HIBCH: variants seen among roughly 807,000 people sequenced by gnomAD.
HIBCH encodes the protein 3-hydroxyisobutyryl-CoA hydrolase.
A neutral mutation model predicts 58.2 loss-of-function variants in HIBCH; 50 were observed. That is an observed-to-expected ratio of 0.86 (90% CI 0.68 to 1.09). The LOEUF is 1.09. Among genes scored for constraint, HIBCH ranks in the 50% least tolerant of loss-of-function variants. The pLI, the probability that HIBCH is intolerant of heterozygous loss-of-function variation, is 0.00. For synonymous variants in HIBCH, 151 were observed against 146.9 expected, an observed-to-expected ratio of 1.03 and a Z score of -0.20; for missense variants, 450 against 449.7, an observed-to-expected ratio of 1.00 and a Z score of -0.01.
In HIBCH at chr2:190,281,383, C is replaced by G. The variant is rs1687700552; in HGVS notation, c.438+6203G>C. Among the ~76,000 whole-genome samples the G allele has an allele frequency of 6.6e-6, 1 of 152,152 alleles. No homozygotes were observed. Among genetic ancestry groups the G allele is most frequent in the Non-Finnish European group, 1.5e-5 (1 of 68,040 alleles). ...GGCACTTGAGCCATAGCGGGGACAA[C>G]TGAGGAGCACTGTGCTGGAATTCTG... On this transcript the variant is annotated intron_variant, in intron 6 of 13. Transcript: ENST00000359678. This position sits in a 1 kb window ranked among gnomAD's most constrained non-coding sequence, Gnocchi z 5.4.
downstream of HIBCH, chr2:190,200,228 G>A: frequency 8.8e-7 from 1 of 1,140,908 alleles, no homozygotes; most frequent in East Asian, 2.4e-5. Context: ...GTGTGAAAAA[G>A]TACAAATAAC....
intron 9 of HIBCH, among the ~76,000 whole-genome samples, chr2:190,248,558 T>C (rs888092911): frequency 1.3e-5 from 2 of 152,134 alleles, no homozygotes; most frequent in African/African-American, 4.8e-5. Context: ...CTACTCTCAG[T>C]TGTACAAGAA....
chr2:190,215,827 T>C lies in HIBCH; in HGVS notation c.892-2752A>G, dbSNP rs1414555975. The C allele has an allele frequency of 6.6e-6, 1 of 152,288 alleles. No individual in the cohort carries two copies. The highest frequency in any genetic ancestry group is 2.4e-5 in the African/African-American group (1 of 41,374). The allele number at this position is 152,288 out of a possible 1,614,324, so 9.4% of individuals were successfully genotyped here. A position where few individuals can be genotyped will look rare whatever the true frequency, so the allele number is the denominator to read the frequency against. On this transcript the variant is annotated intron_variant, in intron 11 of 13. Coordinates refer to ENST00000359678, the MANE Select transcript of HIBCH (RefSeq NM_014362.4). The surrounding 1 kb of genome is among the most constrained non-coding windows in gnomAD (Gnocchi z 4.4). The stretch of plus-strand genomic sequence containing the variant: ...GCTGTGTGTGTGGGAGCCACTGGAC[T>C]AAGCAGCCAAGACAGGGAAGGCAGT...
intron 5 of HIBCH, 71 bp downstream of exon 5, chr2:190,290,331 ATTT>A: frequency 9.5e-7 from 1 of 1,049,388 alleles, no homozygotes; most frequent in Non-Finnish European, 1.5e-6. Flanking sequence ...TATTGATTGC[ATTT>A]TTAACAAAGT....
intron 4 of HIBCH, among the ~76,000 whole-genome samples, chr2:190,291,800 G>T (rs1214298652): frequency 6.6e-6 from 1 of 152,112 alleles, no homozygotes; most frequent in Non-Finnish European, 1.5e-5. Context: ...TCTCAAGACT[G>T]CTATCAAAGT....
At chr2:190,294,469 T>C (rs2105989898) in intron 4 of HIBCH, 77 bp downstream of exon 4, 1 of 962,564 alleles carries the variant, frequency 1.0e-6, no homozygotes, top group East Asian at 2.4e-5. Context: ...AATTATAAAT[T>C]ATTACAAAAA....
At chr2:190,246,008 A>G (rs1033572804) in intron 10 of HIBCH, 146 bp downstream of exon 10, 20 of 531,100 alleles carry the variant, frequency 3.8e-5, no homozygotes, top group African/African-American at 1.8e-4. Flanking sequence ...AAAAAAAAAA[A>G]GGAAGGAAAG....
chr2:190,231,338 G>C (rs1386653678), intron 11 of HIBCH, among the ~76,000 whole-genome samples: 2 of 152,216 alleles, frequency 1.3e-5, no homozygotes, highest in Non-Finnish European at 2.9e-5. Flanking sequence ...ACTGATAAAA[G>C]AGAAAAAGAT....
At chr2:190,262,821 TAAAGA>T (rs1156982896) in intron 6 of HIBCH, among the ~76,000 whole-genome samples, 50 of 152,278 alleles carry the variant, frequency 3.3e-4, no homozygotes, top group African/African-American at 9.9e-4. Flanking sequence ...AATAGTGAAT[TAAAGA>T]AAAGACATCA....
At chr2:190,294,493 G>T in intron 4 of HIBCH, 53 bp downstream of exon 4, 2 of 1,119,470 alleles carry the variant, frequency 1.8e-6, no homozygotes, top group Non-Finnish European at 2.7e-6. Flanking sequence ...GACAATACTT[G>T]ATCAGTTCTA....
intron 1 of HIBCH, among the ~76,000 whole-genome samples, chr2:190,314,335 A>ATGTG (rs1309322456): frequency 5.8e-5 from 6 of 104,248 alleles, no homozygotes; most frequent in South Asian, 3.4e-4. Context: ...ATATGTATAT[A>ATGTG]TACATATATA....
chr2:190,276,255 A>C (rs749825295), intron 6 of HIBCH, among the ~76,000 whole-genome samples: 5 of 152,210 alleles, frequency 3.3e-5, no homozygotes, highest in Non-Finnish European at 5.9e-5. Context: ...CCAAAGTTTC[A>C]TCAGAGACTC....
rs971423371 is a variant in HIBCH, at chr2:190,216,570, C to T, written c.892-3495G>A. 5.9e-5 allele frequency among the ~76,000 whole-genome samples: 9 copies of T among 152,274 alleles called. No homozygotes were observed. The highest frequency in any genetic ancestry group is 2.0e-4 in the Admixed American group (3 of 15,296). Reference sequence around the variant, plus strand: ...GGACTGTGGCTAACTGAAGAGGGCACACCCTGTTAAAGGGGCCACAGCTGC... The same window carrying T: ...GGACTGTGGCTAACTGAAGAGGGCATACCCTGTTAAAGGGGCCACAGCTGC... On this transcript the variant is annotated intron_variant, in intron 11 of 13. Coordinates refer to ENST00000359678, the MANE Select transcript of HIBCH (RefSeq NM_014362.4). This position sits in a 1 kb window ranked among gnomAD's most constrained non-coding sequence, Gnocchi z 4.2.
At chr2:190,202,221 T>C (rs568362646), downstream of HIBCH, 6 of 167,182 alleles carry the variant, frequency 3.6e-5, no homozygotes, top group African/African-American at 1.2e-4. Flanking sequence ...ACTATGGCAG[T>C]ATACTTTTAT....
intron 1 of HIBCH, among the ~76,000 whole-genome samples, chr2:190,195,845 T>C (rs6713652): frequency 0.063 from 9,522 of 152,168 alleles, 728 homozygotes; most frequent in African/African-American, 0.18. Context: ...GTTATCTGGA[T>C]TGTCTCCTAT....
At chr2:190,308,838 A>G (rs1221952182) in intron 2 of HIBCH, among the ~76,000 whole-genome samples, 1 of 152,214 alleles carries the variant, frequency 6.6e-6, no homozygotes, top group Non-Finnish European at 1.5e-5. Context: ...CACAGTTGCA[A>G]TAGTTACGTA....
chr2:190,250,023 T>C (rs1364306207), intron 8 of HIBCH, among the ~76,000 whole-genome samples: 2 of 152,334 alleles, frequency 1.3e-5, no homozygotes, highest in Non-Finnish European at 2.9e-5. Flanking sequence ...AATTTTATTT[T>C]ATTTTTAATT....
intron 1 of HIBCH, among the ~76,000 whole-genome samples, chr2:190,314,673 T>C (rs941511446): frequency 6.6e-6 from 1 of 151,990 alleles, no homozygotes; most frequent in Non-Finnish European, 1.5e-5. Context: ...GAGACGAGGT[T>C]TCTCCATGTT....
intron 11 of HIBCH, among the ~76,000 whole-genome samples, chr2:190,222,490 C>G (rs1345131092): frequency 1.3e-5 from 2 of 150,296 alleles, no homozygotes; most frequent in East Asian, 3.9e-4. Context: ...TCAAAAAAGA[C>G]ATTTATGCAG....
Sources: allele counts gnomAD v4.1 joint callset (sites outside exome capture counted in the v4.1 genomes callset), GRCh38; gene constraint gnomAD v4.1.1; non-coding constraint Gnocchi (gnomAD v3.1); transcripts MANE v1.5; gene names NCBI Gene and HGNC (gene_info 2026-07-23, HGNC 2026-07-21).